NEGR1: variants seen among roughly 807,000 people sequenced by gnomAD.
NEGR1 encodes the protein neuronal growth regulator 1.
In NEGR1, 10 loss-of-function variants were observed where a neutral mutation model predicts 40.9. That is an observed-to-expected ratio of 0.24 (90% CI 0.15 to 0.42). The LOEUF (loss-of-function observed/expected upper bound fraction) is 0.42. Among genes scored for constraint, NEGR1 ranks in the 10% least tolerant of loss-of-function variants. The probability of loss-of-function intolerance (pLI) is 1.00; values close to 1 mark genes in which losing one functional copy is unlikely to be tolerated. For missense variants in NEGR1, 352 were observed against 438.9 expected (o/e 0.80, Z 1.77); for synonymous variants, 185 against 166.8 (o/e 1.11, Z -0.84).
chr1:71,840,335 G>A (rs967599477), intron 2 of NEGR1, among the ~76,000 whole-genome samples: 1 of 151,910 alleles, frequency 6.6e-6, no homozygotes, highest in African/African-American at 2.4e-5. Flanking sequence ...TTAAAAGTAA[G>A]TATTTGTATG....
In NEGR1 at chr1:71,550,674, G is replaced by C. The variant is rs542550558; in HGVS notation, c.940+42143C>G. 1.4e-4 allele frequency among the ~76,000 whole-genome samples: 21 copies of C among 151,716 alleles called. No homozygotes were observed. In the South Asian group the frequency reaches 4.4e-3, roughly 31 times the overall value. ...GACCACAGCCTAGACTAGTTTCTGA[G>C]AGTTCCCTCCTAACATCCACATTCT... On this transcript the variant is annotated intron_variant, in intron 6 of 6. Transcript: ENST00000357731.
chr1:71,836,824 C>T (rs140239669), intron 2 of NEGR1, among the ~76,000 whole-genome samples: 18 of 151,970 alleles, frequency 1.2e-4, no homozygotes, highest in African/African-American at 4.1e-4. Context: ...AAGCATATGG[C>T]GAAGTCAGAC....
At chr1:72,057,343 G>C (rs528037778) in intron 1 of NEGR1, among the ~76,000 whole-genome samples, 1 of 151,472 alleles carries the variant, frequency 6.6e-6, no homozygotes, top group African/African-American at 2.4e-5. Flanking sequence ...CTATACCTTA[G>C]ATTGGCATGT....
chr1:72,026,432 TAG>T (rs1372922679), intron 1 of NEGR1, among the ~76,000 whole-genome samples: 2 of 151,708 alleles, frequency 1.3e-5, no homozygotes. Flanking sequence ...AGAGTTAAAC[TAG>T]CTGACGTCAA....
chr1:71,903,811 C>T (rs1275393544), intron 2 of NEGR1, among the ~76,000 whole-genome samples: 1 of 151,424 alleles, frequency 6.6e-6, no homozygotes, highest in Admixed American at 6.6e-5. Context: ...ATATCAACCC[C>T]ATTCTCTCTC....
intron 3 of NEGR1, among the ~76,000 whole-genome samples, chr1:71,729,985 T>A (rs929096813): frequency 2.6e-5 from 4 of 152,022 alleles, no homozygotes; most frequent in Non-Finnish European, 4.4e-5. Context: ...TAAAAATTGA[T>A]AAAAATTAAT....
At chr1:71,765,387 G>T (rs1219305001) in intron 3 of NEGR1, among the ~76,000 whole-genome samples, 1 of 152,066 alleles carries the variant, frequency 6.6e-6, no homozygotes, top group Non-Finnish European at 1.5e-5. Context: ...AACTTTCCAA[G>T]AGTTTGTTGA....
intron 1 of NEGR1, among the ~76,000 whole-genome samples, chr1:72,025,066 A>G (rs1179672850): frequency 1.3e-5 from 2 of 152,184 alleles, no homozygotes; most frequent in Non-Finnish European, 2.9e-5. Flanking sequence ...AATTTTCTAC[A>G]AATGAATTAT....
At chr1:71,730,877 C>CGTGTGTGTGTGTGT (rs59873481) in intron 3 of NEGR1, among the ~76,000 whole-genome samples, 1 of 130,004 alleles carries the variant, frequency 7.7e-6, no homozygotes, top group Non-Finnish European at 1.7e-5. Flanking sequence ...GTGAAGCATT[C>CGTGTGTGTGTGTGT]GTGTGTGTGT....
chr1:71,730,835 C>G (rs1408900024), intron 3 of NEGR1, among the ~76,000 whole-genome samples: 2 of 150,716 alleles, frequency 1.3e-5, no homozygotes, highest in Non-Finnish European at 3.0e-5. Context: ...GACACCCCTA[C>G]AGTTTTCATA....
At chr1:71,601,294 TATTATTAAAAAG>T (rs1425395020) in intron 5 of NEGR1, among the ~76,000 whole-genome samples, 1 of 152,098 alleles carries the variant, frequency 6.6e-6, no homozygotes, top group African/African-American at 2.4e-5. Context: ...TCAAAATGGC[TATTATTAAAAAG>T]TCAAAAAAAC....
At position 72,205,629 on chromosome 1, in the gene NEGR1, T is replaced by C. The variant is rs1415881304; in HGVS notation, c.176+76690A>G. ...ATAATTTTTGTTAACTAAAAAAAAA[T>C]ACTTCCACTGGACATGATGGCTCAT... On this transcript the variant is annotated intron_variant, in intron 1 of 6. Transcript: ENST00000357731. Among the ~76,000 whole-genome samples, 6 of 148,266 alleles carry C rather than the reference T, an allele frequency of 4.0e-5. No homozygotes were observed. The Admixed American group carries it at 4.1e-4, about 10-fold the overall frequency.
In NEGR1 at chr1:72,049,332, G is replaced by C. The variant is rs575398471; in HGVS notation, c.177-114021C>G. Among the ~76,000 whole-genome samples, 336 of 151,550 alleles carry C rather than the reference G, an allele frequency of 2.2e-3. 1 individual carries two copies. The highest frequency in any genetic ancestry group is 3.7e-3 in the Non-Finnish European group (253 of 67,670). On this transcript the variant is annotated intron_variant, in intron 1 of 6. Coordinates refer to ENST00000357731, the MANE Select transcript of NEGR1 (RefSeq NM_173808.3). ...AGCCTGGGCAAAAGAGTGAGTCCCTGTCTCTAAAAATACTTAATAAATAAG... is the reference window on the plus strand; with the variant it reads ...AGCCTGGGCAAAAGAGTGAGTCCCTCTCTCTAAAAATACTTAATAAATAAG...
At chr1:71,648,783 G>A (rs1651614299) in intron 4 of NEGR1, among the ~76,000 whole-genome samples, 1 of 151,936 alleles carries the variant, frequency 6.6e-6, no homozygotes, top group African/African-American at 2.4e-5. Flanking sequence ...AACCCTTCTT[G>A]TTGATTGCTC....
At chr1:71,951,525 C>G (rs1394536299) in intron 1 of NEGR1, among the ~76,000 whole-genome samples, 4 of 151,906 alleles carry the variant, frequency 2.6e-5, no homozygotes, top group Non-Finnish European at 5.9e-5. Flanking sequence ...AGTCAACTCC[C>G]CTTTCAATTC....
chr1:71,702,523 G>A (rs567079901), intron 3 of NEGR1, among the ~76,000 whole-genome samples: 2 of 151,520 alleles, frequency 1.3e-5, no homozygotes, highest in East Asian at 1.9e-4. Flanking sequence ...TAAAGAATTT[G>A]GATTATAAAT....
At chr1:72,244,113 T>A (rs1654830263) in intron 1 of NEGR1, among the ~76,000 whole-genome samples, 1 of 151,810 alleles carries the variant, frequency 6.6e-6, no homozygotes, top group Non-Finnish European at 1.5e-5. Flanking sequence ...TTGTTCTGTT[T>A]TGACGATATA....
At chr1:71,921,351 C>A (rs1011101863) in intron 2 of NEGR1, among the ~76,000 whole-genome samples, 1 of 151,902 alleles carries the variant, frequency 6.6e-6, no homozygotes, top group African/African-American at 2.4e-5. Flanking sequence ...AAGTAGAAAC[C>A]AATCTAAGTA....
In NEGR1 at chr1:71,986,932, T is replaced by C. The variant is rs147621466; in HGVS notation, c.177-51621A>G. 7.2e-5 allele frequency among the ~76,000 whole-genome samples: 11 copies of C among 152,344 alleles called. No individual in the cohort carries two copies. In the East Asian group the frequency reaches 2.1e-3, roughly 29 times the overall value. ...GAACTGTAGAACCTACAGGTCAGTA[T>C]AATAATCTACAAAAGTGAAAAATTG... On this transcript the variant is annotated intron_variant, in intron 1 of 6. Coordinates refer to ENST00000357731, the MANE Select transcript of NEGR1 (RefSeq NM_173808.3).
Sources: gnomAD v4.1 joint callset for allele counts (sites outside exome capture counted in the v4.1 genomes callset) on GRCh38, gnomAD v4.1.1 for gene constraint, MANE v1.5 for transcripts, NCBI Gene and HGNC (gene_info 2026-07-23, HGNC 2026-07-21) for gene names.